PLCH1: variants seen among roughly 807,000 people sequenced by gnomAD.
PLCH1 encodes the protein 1-phosphatidylinositol 4,5-bisphosphate phosphodiesterase eta-1.
PLCH1 carries 60 observed loss-of-function variants against 126.7 expected under a neutral mutation model. The observed-to-expected ratio is 0.47, with a 90% CI of 0.38 to 0.59. The LOEUF (loss-of-function observed/expected upper bound fraction) is 0.59, where lower values mean the gene tolerates loss of function less well. Among genes scored for constraint, PLCH1 ranks in the 20% least tolerant of loss-of-function variants. The pLI, the probability that PLCH1 is intolerant of heterozygous loss-of-function variation, is 0.00. For missense variants in PLCH1, 1,723 were observed against 2,040.0 expected (o/e 0.84, Z 2.99); for synonymous variants, 719 against 734.9 (o/e 0.98, Z 0.35).
chr3:155,505,347 C>T (rs1381049166), intron 12 of PLCH1, among the ~76,000 whole-genome samples: 2 of 152,138 alleles, frequency 1.3e-5, no homozygotes, highest in African/African-American at 4.8e-5. Flanking sequence ...AGAAAGTCCA[C>T]CTGCTAAGAG....
intron 1 of PLCH1, among the ~76,000 whole-genome samples, chr3:155,725,451 CTT>C (rs34876965): frequency 2.1e-5 from 3 of 140,316 alleles, no homozygotes; most frequent in Non-Finnish European, 4.6e-5. Flanking sequence ...ATTTTAGACA[CTT>C]TTTTTTTTTT....
At chr3:155,652,170 T>G (rs1354690302) in intron 2 of PLCH1, among the ~76,000 whole-genome samples, 1 of 152,072 alleles carries the variant, frequency 6.6e-6, no homozygotes, top group Non-Finnish European at 1.5e-5. Context: ...TCCTGGAGAG[T>G]TTTGACAGTG....
chr3:155,541,311 A>T (rs2108389082), intron 10 of PLCH1, among the ~76,000 whole-genome samples: 1 of 152,306 alleles, frequency 6.6e-6, no homozygotes, highest in Non-Finnish European at 1.5e-5. Flanking sequence ...CAGGTGCACC[A>T]AAATCTCAGA....
intron 2 of PLCH1, among the ~76,000 whole-genome samples, chr3:155,665,275 A>T (rs1742600434): frequency 6.6e-6 from 1 of 152,206 alleles, no homozygotes; most frequent in African/African-American, 2.4e-5. Flanking sequence ...AGAAATGTGT[A>T]TTAAGCCACT....
chr3:155,649,491 C>A (rs1208761159), intron 2 of PLCH1, among the ~76,000 whole-genome samples: 1 of 152,168 alleles, frequency 6.6e-6, no homozygotes, highest in Non-Finnish European at 1.5e-5. Flanking sequence ...CTATGCTACA[C>A]CTCAGAGCAG....
intron 7 of PLCH1, among the ~76,000 whole-genome samples, chr3:155,567,778 AATGAG>A (rs1425054745): frequency 2.6e-5 from 4 of 152,184 alleles, no homozygotes; most frequent in Non-Finnish European, 4.4e-5. Context: ...TCATTGTATT[AATGAG>A]ATTTGTGGTT....
chr3:155,504,483 G>T, intron 13 of PLCH1, 72 bp downstream of exon 13: 1 of 831,620 alleles, frequency 1.2e-6, no homozygotes, highest in Non-Finnish European at 2.1e-6. Flanking sequence ...AGGTCATGAT[G>T]ATATTCTCCT....
At chr3:155,463,888 T>G (rs920468785) in intron 21 of PLCH1, among the ~76,000 whole-genome samples, 2 of 152,220 alleles carry the variant, frequency 1.3e-5, no homozygotes, top group Middle Eastern at 3.2e-3. Context: ...CAAACTGGGA[T>G]AGTAGACTGT....
Position 155,583,460 on chromosome 3 carries a change from G to A in PLCH1, c.771+12C>T, listed in dbSNP as rs776481212. ...TTTTAAGTAAACTTTCATTTTAACA[G>A]TCTAATGATACCTTTTGCTCCACCT... On this transcript the variant is annotated intron_variant, in intron 6 of 22. Transcript: ENST00000460012. 2.3e-5 allele frequency: 36 copies of A among 1,581,220 alleles called. No homozygotes were observed. The highest frequency in any genetic ancestry group is 2.8e-5 in the Non-Finnish European group (32 of 1,163,350).
At chr3:155,632,531 GA>G (rs1738175924) in intron 2 of PLCH1, among the ~76,000 whole-genome samples, 1 of 152,112 alleles carries the variant, frequency 6.6e-6, no homozygotes, top group South Asian at 2.1e-4. Flanking sequence ...CTTCTGTATT[GA>G]GATGACTAGG....
rs975802565 is a variant in PLCH1, at chr3:155,482,918, T to C, written c.3108A>G (p.Val1036=). The change falls in exon 23 of 23, where the codon GTA becomes GTG. Residue 1036 remains valine (V), a synonymous_variant. Coordinates refer to ENST00000460012, the MANE Select transcript of PLCH1 (RefSeq NM_014996.4). ...CTGTGACTGACATGTGGGCAGTAGATACAATGGTGTCCCCTTGGCTGGTAT... is the reference window on the plus strand; with the variant it reads ...CTGTGACTGACATGTGGGCAGTAGACACAATGGTGTCCCCTTGGCTGGTAT... ...HKDTSQGDTI[V]STAHMSVTGE... 5.6e-6 allele frequency: 9 copies of C among 1,614,080 alleles called. No homozygotes were observed. In the African/African-American group the frequency reaches 1.2e-4, roughly 22 times the overall value.
In PLCH1 at chr3:155,567,124, A is replaced by G. The variant is rs186921260; in HGVS notation, c.865+1107T>C. On this transcript the variant is annotated intron_variant, in intron 7 of 22. Coordinates refer to ENST00000460012, the MANE Select transcript of PLCH1 (RefSeq NM_014996.4). ...GTCTCACTCTGTCACCCAGGTTGAA[A>G]TGCAGTGGCACGGTCTCGGCTCACT... Among the ~76,000 whole-genome samples, 498 of 152,130 alleles carry G rather than the reference A, an allele frequency of 3.3e-3. 2 individuals are homozygous for G. Among genetic ancestry groups the G allele is most frequent in the Non-Finnish European group, 4.9e-3 (335 of 67,984 alleles).
Position 155,526,022 on chromosome 3 carries a change from A to G in PLCH1, c.1363-2018T>C, listed in dbSNP as rs148024887. On this transcript the variant is annotated intron_variant, in intron 10 of 22. Transcript: ENST00000460012. Reference sequence around the variant, plus strand: ...TCTGAGAAAGGCTTCGAGGGCAGCTATCTGTATTAGCAAGGCTTTTTACTA... The same window carrying G: ...TCTGAGAAAGGCTTCGAGGGCAGCTGTCTGTATTAGCAAGGCTTTTTACTA... Among the ~76,000 whole-genome samples, 653 of 152,336 alleles carry G rather than the reference A, an allele frequency of 4.3e-3. 17 individuals carry two copies. The highest frequency in any genetic ancestry group is 0.029 in the Admixed American group (437 of 15,292).
chr3:155,564,473 G>C (rs1728047991), intron 8 of PLCH1, among the ~76,000 whole-genome samples: 1 of 152,140 alleles, frequency 6.6e-6, no homozygotes, highest in Non-Finnish European at 1.5e-5. Flanking sequence ...GCTGAGGAAG[G>C]AGAATCGCTT....
At chr3:155,614,412 G>C (rs1386352729) in intron 2 of PLCH1, among the ~76,000 whole-genome samples, 1 of 152,032 alleles carries the variant, frequency 6.6e-6, no homozygotes, top group African/African-American at 2.4e-5. Flanking sequence ...CAAGGAGATA[G>C]TTACCAAAAC....
In PLCH1 at chr3:155,684,455, A is replaced by G. The variant is rs906857132; in HGVS notation, c.79+19691T>C. Among the ~76,000 whole-genome samples the G allele has an allele frequency of 1.4e-3, 207 of 152,270 alleles. 2 individuals carry two copies. The highest frequency in any genetic ancestry group is 1.3e-4 in the Non-Finnish European group (9 of 68,014). On this transcript the variant is annotated intron_variant, in intron 2 of 22. Transcript: ENST00000460012. ...GAATTCAGGGTTGTTTGCTCTGTAC[A>G]ACCAGAGACTCTCCTGAGAACAGGA...
At chr3:155,516,581 G>A (rs1018405471) in intron 11 of PLCH1, among the ~76,000 whole-genome samples, 4 of 152,076 alleles carry the variant, frequency 2.6e-5, no homozygotes, top group Admixed American at 2.6e-4. Context: ...AAGTCCTTGG[G>A]TAGCAACTCT....
intron 10 of PLCH1, among the ~76,000 whole-genome samples, chr3:155,534,648 T>G (rs1332545135): frequency 6.6e-6 from 1 of 152,082 alleles, no homozygotes; most frequent in Non-Finnish European, 1.5e-5. Context: ...AATGATATGG[T>G]TTGGCTGTGT....
Position 155,481,652 on chromosome 3 carries a change from T to G in PLCH1, c.4374A>C (p.Gln1458His), listed in dbSNP as rs765644127. The change falls in exon 23 of 23, where the codon CAA becomes CAC. Residue 1458 changes from glutamine to histidine, a missense_variant. Physicochemically the swap from Gln to His is conservative, Grantham distance 24 (BLOSUM62 0). This residue lies in a region of PLCH1 where 947 missense variants were observed against 977.1 expected (regional missense o/e 0.97). Coordinates refer to ENST00000460012, the MANE Select transcript of PLCH1 (RefSeq NM_014996.4). The surrounding 1 kb of genome is among the most constrained non-coding windows in gnomAD (Gnocchi z 4.2). ...GCTTGGGTACAGGGACATGCATATC[T>G]TGAGCACTAGATTGCTGGGGCACAC... ...QTCVPQQSSA[Q>H]DMHVPVPKQL... The G allele has an allele frequency of 1.5e-5, 24 of 1,614,150 alleles. No homozygotes were observed. The highest frequency in any genetic ancestry group is 1.9e-5 in the Non-Finnish European group (23 of 1,180,016).
Sources: gnomAD v4.1 joint callset for allele counts (sites outside exome capture counted in the v4.1 genomes callset) on GRCh38, gnomAD v4.1.1 for gene constraint, gnomAD v4.1.1 regional missense constraint, Gnocchi (gnomAD v3.1) non-coding constraint, MANE v1.5 for transcripts, NCBI Gene and HGNC (gene_info 2026-07-23, HGNC 2026-07-21) for gene names.